NCOR2: variants seen among roughly 807,000 people sequenced by gnomAD.
NCOR2 encodes CTG repeat protein 26.
NCOR2 carries 81 observed loss-of-function variants against 262.9 expected under a neutral mutation model. That is an observed-to-expected ratio of 0.31 (90% CI 0.26 to 0.37). The LOEUF (loss-of-function observed/expected upper bound fraction) is 0.37. Ranked by LOEUF, NCOR2 falls within the 10% of genes least tolerant of loss-of-function variation. NCOR2 has a pLI of 1.00. For missense variants in NCOR2, 3,385 were observed against 3,621.4 expected, an observed-to-expected ratio of 0.93 and a Z score of 1.68; for synonymous variants, 1,659 against 1,559.3, an observed-to-expected ratio of 1.06 and a Z score of -1.51.
At chr12:124,393,001 G>A (rs781142297) in intron 16 of NCOR2, among the ~76,000 whole-genome samples, 21 of 152,242 alleles carry the variant, frequency 1.4e-4, no homozygotes, top group South Asian at 4.1e-4. Flanking sequence ...GCAGCCCGGA[G>A]GCGGGCCAGA....
chr12:124,430,932 A>G lies in NCOR2; in HGVS notation c.883-145T>C, dbSNP rs2043876825. The G allele has an allele frequency of 4.4e-6, 4 of 917,824 alleles. No homozygotes were observed. The South Asian group carries it at 5.4e-5, about 12-fold the overall frequency. 56.9% of individuals were successfully genotyped at this position (917,824 alleles called of 1,614,324 possible). ...CAGGCACACACATATACAGTCAGAT[A>G]CAGCCACACAGACACATACATACAG... is the stretch of plus-strand genomic sequence containing the variant. On this transcript the variant is annotated intron_variant, in intron 8 of 46. Transcript: ENST00000405201.
At chr12:124,354,847 G>C (rs750746260) in exon 25 of NCOR2, 16 of 1,612,392 alleles carry the variant, frequency 9.9e-6, no homozygotes, top group Non-Finnish European at 1.4e-5. Flanking sequence ...CCAGCTTTTT[G>C]GGGTCCATGG....
intron 1 of NCOR2, among the ~76,000 whole-genome samples, chr12:124,565,430 C>T (rs1372996960): frequency 6.6e-6 from 1 of 152,162 alleles, no homozygotes; most frequent in Non-Finnish European, 1.5e-5. Flanking sequence ...CTTCATTGCT[C>T]TGCTGGGCCT....
exon 38 of NCOR2, chr12:124,336,898 G>A: frequency 1.9e-6 from 3 of 1,604,498 alleles, no homozygotes; most frequent in Non-Finnish European, 2.6e-6. Context: ...TGCGGGCGAT[G>A]GTGGCGTGGC....
intron 10 of NCOR2, 56 bp downstream of exon 12, chr12:124,429,557 C>G (rs1435537265): frequency 1.3e-6 from 2 of 1,537,692 alleles, no homozygotes; most frequent in Non-Finnish European, 1.8e-6. Context: ...CCTCTGCACC[C>G]TCACGGGGGA....
chr12:124,418,846 A>C (rs1057495246), intron 13 of NCOR2, among the ~76,000 whole-genome samples: 7 of 152,126 alleles, frequency 4.6e-5, no homozygotes, highest in African/African-American at 1.7e-4. Flanking sequence ...CGAAAACTTC[A>C]CTGGGATGCC....
At chr12:124,430,483 T>A (rs947861390) in intron 9 of NCOR2, 132 bp downstream of exon 11, 2 of 1,081,668 alleles carry the variant, frequency 1.8e-6, no homozygotes, top group African/African-American at 1.6e-5. Context: ...CAGGGTCTGG[T>A]AGGGCCCTGG....
chr12:124,326,630 T>C (rs1210116913), intron 45 of NCOR2, among the ~76,000 whole-genome samples: 1 of 152,056 alleles, frequency 6.6e-6, no homozygotes, highest in Non-Finnish European at 1.5e-5. Flanking sequence ...CTGTTTGCAA[T>C]AGCCCCCTGG....
In NCOR2 at chr12:124,333,888, G is replaced by GTGTGCGGGTGTGCGCGCA. The variant is rs1555299223; in HGVS notation, c.6605+535_6605+536insTGCGCGCACACCCGCACA. On this transcript the variant is annotated intron_variant, in intron 41 of 46. Coordinates refer to ENST00000405201, the Ensembl canonical transcript of NCOR2. ...TGTGCGCATGTGTGCGGGTGTGCAT[G>GTGTGCGGGTGTGCGCGCA]TGTGTGTGCGCGCGCATGTGTGCGG... Among the ~76,000 whole-genome samples the GTGTGCGGGTGTGCGCGCA allele has an allele frequency of 3.4e-4, 7 of 20,714 alleles. No individual in the cohort carries two copies. The East Asian group carries it at 0.015, about 45-fold the overall frequency. 13.6% of individuals were successfully genotyped at this position (20,714 alleles called of 152,430 possible). A position where few individuals can be genotyped will look rare whatever the true frequency, so the allele number is the denominator to read the frequency against.
At chr12:124,386,901 G>C (rs977663768) in intron 16 of NCOR2, among the ~76,000 whole-genome samples, 1 of 152,236 alleles carries the variant, frequency 6.6e-6, no homozygotes, top group Non-Finnish European at 1.5e-5. Context: ...AGTCCATGCA[G>C]GTAGGGCCTG....
chr12:124,390,878 C>G (rs1345242767), intron 16 of NCOR2, among the ~76,000 whole-genome samples: 1 of 152,246 alleles, frequency 6.6e-6, no homozygotes, highest in Admixed American at 6.5e-5. Flanking sequence ...TGAAATTGAC[C>G]AAGACAGGAA....
At chr12:124,475,211 G>A (rs1223820929) in intron 3 of NCOR2, among the ~76,000 whole-genome samples, 8 of 152,128 alleles carry the variant, frequency 5.3e-5, no homozygotes, top group Admixed American at 3.9e-4. Flanking sequence ...ACAGAGAAAA[G>A]GGCTCATATC....
chr12:124,420,156 G>A lies in NCOR2; in HGVS notation c.1384-101C>T, dbSNP rs545289732. 17 of 956,982 alleles carry A rather than the reference G, an allele frequency of 1.8e-5. 1 individual carries two copies. The highest frequency in any genetic ancestry group is 9.8e-5 in the Admixed American group (5 of 51,178). The allele number at this position is 956,982 out of a possible 1,614,324, so 59.3% of individuals were successfully genotyped here. ...TGGGCTCATATCCTGCCTCTTCCAC[G>A]TACCGGCTGGGTGACCTCGGACAGA... On this transcript the variant is annotated intron_variant, in intron 12 of 46. Transcript: ENST00000405201.
rs536444363 is a variant in NCOR2 at position 124,543,499 on chromosome 12, C to T, written c.-164-7888G>A. On this transcript the variant is annotated intron_variant, in intron 1 of 32. Transcript: ENST00000458234. ...AGTGAGGGGCGGGGAGACGGGACCC[C>T]GAGCATCTGACCCTCTGCCCTCGGC... Among the ~76,000 whole-genome samples the T allele has an allele frequency of 9.5e-4, 145 of 152,344 alleles. 1 individual carries two copies. Among genetic ancestry groups the T allele is most frequent in the African/African-American group, 3.3e-3 (139 of 41,584 alleles).
intron 17 of NCOR2, chr12:124,383,246 G>A (rs1431188846): frequency 5.6e-6 from 1 of 178,604 alleles, no homozygotes; most frequent in East Asian, 1.5e-4. Context: ...GAGAGCACAG[G>A]TCACTTCCCC....
chr12:124,494,080 G>A (rs891377077), intron 1 of NCOR2, among the ~76,000 whole-genome samples: 7 of 152,186 alleles, frequency 4.6e-5, no homozygotes, highest in African/African-American at 1.7e-4. Context: ...CAACCTACAG[G>A]AGGCCACTGT....
chr12:124,469,807 T>C (rs2046733907), intron 4 of NCOR2, among the ~76,000 whole-genome samples: 1 of 152,064 alleles, frequency 6.6e-6, no homozygotes, highest in African/African-American at 2.4e-5. Context: ...AAAACCACAA[T>C]GAGATACCGC....
intron 1 of NCOR2, among the ~76,000 whole-genome samples, chr12:124,522,404 C>A (rs2050237260): frequency 6.6e-6 from 1 of 152,184 alleles, no homozygotes; most frequent in Non-Finnish European, 1.5e-5. Flanking sequence ...GGGCCACACA[C>A]CCTCCAAAGA....
intron 16 of NCOR2, among the ~76,000 whole-genome samples, chr12:124,391,444 C>A (rs753035810): frequency 1.3e-5 from 2 of 152,148 alleles, no homozygotes; most frequent in South Asian, 2.1e-4. Context: ...GGAAAAGAAC[C>A]CAGCCGTCTT....
Sources: allele counts gnomAD v4.1 joint callset (sites outside exome capture counted in the v4.1 genomes callset), GRCh38; gene constraint gnomAD v4.1.1; transcripts MANE v1.5; gene names NCBI Gene and HGNC (gene_info 2026-07-23, HGNC 2026-07-21).